Variants in OPCML observed in about 807,000 individuals in gnomAD.
The protein encoded by OPCML is opioid binding protein/cell adhesion molecule like.
OPCML carries 13 observed loss-of-function variants against 37.8 expected under a neutral mutation model. That is an observed-to-expected ratio of 0.34 (90% CI 0.22 to 0.55). The LOEUF (loss-of-function observed/expected upper bound fraction) is 0.55. Among genes scored for constraint, OPCML ranks in the 20% least tolerant of loss-of-function variants. The pLI, the probability that OPCML is intolerant of heterozygous loss-of-function variation, is 0.91. For missense variants in OPCML, 341 were observed against 435.6 expected, an observed-to-expected ratio of 0.78 and a Z score of 1.93; for synonymous variants, 176 against 168.8, an observed-to-expected ratio of 1.04 and a Z score of -0.33.
At chr11:133,051,454 T>C (rs1339224013) in intron 1 of OPCML, among the ~76,000 whole-genome samples, 1 of 152,170 alleles carries the variant, frequency 6.6e-6, no homozygotes, top group Non-Finnish European at 1.5e-5. Context: ...CCCCTTCCTG[T>C]TCAGGGTACT....
intron 1 of OPCML, among the ~76,000 whole-genome samples, chr11:133,002,852 C>T (rs1947034350): frequency 6.6e-6 from 1 of 152,104 alleles, no homozygotes; most frequent in South Asian, 2.1e-4. Context: ...AGACCTTTTA[C>T]TCAACTTTGC....
At chr11:132,659,972 TTC>T (rs1393204850) in intron 2 of OPCML, among the ~76,000 whole-genome samples, 1 of 152,230 alleles carries the variant, frequency 6.6e-6, no homozygotes, top group Non-Finnish European at 1.5e-5. Context: ...AAATTTAAAT[TTC>T]TTTTATGTCC....
chr11:132,868,742 A>G (rs1006968441), intron 2 of OPCML, among the ~76,000 whole-genome samples: 1 of 152,182 alleles, frequency 6.6e-6, no homozygotes, highest in African/African-American at 2.4e-5. Flanking sequence ...TGACACATCC[A>G]GGCCAGGATG....
chr11:132,740,919 G>A (rs1024230014), intron 2 of OPCML, among the ~76,000 whole-genome samples: 4 of 152,140 alleles, frequency 2.6e-5, no homozygotes, highest in African/African-American at 4.8e-5. Flanking sequence ...TTGATATAAC[G>A]GTATGCAGCA....
chr11:133,256,646 T>G (rs774216377), intron 1 of OPCML, among the ~76,000 whole-genome samples: 1 of 152,210 alleles, frequency 6.6e-6, no homozygotes, highest in Non-Finnish European at 1.5e-5. Context: ...TAGTGTAGAC[T>G]AAGAGGTTCT....
At chr11:132,760,627 G>A (rs1489220136) in intron 2 of OPCML, among the ~76,000 whole-genome samples, 2 of 145,980 alleles carry the variant, frequency 1.4e-5, no homozygotes, top group Admixed American at 1.4e-4. Flanking sequence ...TGCAACATTT[G>A]CTTTTTTTTT....
chr11:132,421,083 T>TC (rs1207120193), intron 7 of OPCML, among the ~76,000 whole-genome samples: 4 of 152,012 alleles, frequency 2.6e-5, no homozygotes, highest in African/African-American at 9.7e-5. Flanking sequence ...GCTGTTCTTT[T>TC]CCCCTCACCT....
intron 4 of OPCML, among the ~76,000 whole-genome samples, chr11:132,449,092 G>T (rs947138023): frequency 1.3e-5 from 2 of 152,180 alleles, no homozygotes; most frequent in Non-Finnish European, 2.9e-5. Flanking sequence ...TGCAGAGCTG[G>T]CCCAGGCCAC....
intron 1 of OPCML, among the ~76,000 whole-genome samples, chr11:133,402,041 A>G (rs1945415049): frequency 6.6e-6 from 1 of 152,214 alleles, no homozygotes. Context: ...TAGACAGTGT[A>G]TCTTAGTCCA....
At chr11:133,233,239 C>A (rs908063683) in intron 1 of OPCML, among the ~76,000 whole-genome samples, 3 of 152,216 alleles carry the variant, frequency 2.0e-5, no homozygotes, top group African/African-American at 7.2e-5. Flanking sequence ...CTATACCACC[C>A]TTTGTAGGAA....
intron 1 of OPCML, among the ~76,000 whole-genome samples, chr11:133,224,904 C>T (rs75040059): frequency 0.038 from 5,726 of 152,240 alleles, 156 homozygotes; most frequent in Non-Finnish European, 0.062. Flanking sequence ...GCCTTGTTGG[C>T]TTTTCCATAT....
intron 2 of OPCML, among the ~76,000 whole-genome samples, chr11:132,930,630 A>G (rs946043086): frequency 9.9e-5 from 15 of 152,260 alleles, no homozygotes; most frequent in Non-Finnish European, 1.0e-4. Flanking sequence ...GAAGAATAAA[A>G]TACTTAGGAA....
chr11:132,506,651 TTAC>T (rs2096257517), intron 4 of OPCML, among the ~76,000 whole-genome samples: 2 of 152,078 alleles, frequency 1.3e-5, no homozygotes, highest in South Asian at 2.1e-4. Flanking sequence ...GAGGAAACAT[TTAC>T]TCAGCTTGAA....
At chr11:132,705,411 C>A (rs1372023282) in intron 2 of OPCML, among the ~76,000 whole-genome samples, 1 of 151,756 alleles carries the variant, frequency 6.6e-6, no homozygotes, top group Non-Finnish European at 1.5e-5. Flanking sequence ...GGCAACATGG[C>A]AAAACCCCAT....
intron 2 of OPCML, among the ~76,000 whole-genome samples, chr11:132,786,680 T>C (rs1947221827): frequency 6.6e-6 from 1 of 152,184 alleles, no homozygotes; most frequent in African/African-American, 2.4e-5. Flanking sequence ...TGGACTTAGG[T>C]TGTACCATGT....
chr11:132,485,313 C>A (rs1592248245), intron 4 of OPCML, among the ~76,000 whole-genome samples: 1 of 152,146 alleles, frequency 6.6e-6, no homozygotes, highest in Non-Finnish European at 1.5e-5. Flanking sequence ...ACAGGTCTCA[C>A]AGTGCTGTAG....
intron 1 of OPCML, among the ~76,000 whole-genome samples, chr11:133,133,229 C>A (rs187725249): frequency 5.1e-4 from 78 of 152,226 alleles, no homozygotes; most frequent in African/African-American, 1.8e-3. Flanking sequence ...TGGCCTCAGG[C>A]CCCTGGGTGG....
intron 1 of OPCML, among the ~76,000 whole-genome samples, chr11:133,403,631 C>G (rs1437416777): frequency 6.6e-6 from 1 of 152,144 alleles, no homozygotes; most frequent in East Asian, 1.9e-4. Flanking sequence ...GACCTCCTTT[C>G]CATTTACTGC....
chr11:133,462,839 C>G (rs952864232), intron 1 of OPCML, among the ~76,000 whole-genome samples: 1 of 151,998 alleles, frequency 6.6e-6, no homozygotes, highest in African/African-American at 2.4e-5. Flanking sequence ...GTGTATATAT[C>G]TGAAAGAACT....
Sources: allele counts gnomAD v4.1 joint callset (sites outside exome capture counted in the v4.1 genomes callset), GRCh38; gene constraint gnomAD v4.1.1; transcripts MANE v1.5; gene names NCBI Gene and HGNC (gene_info 2026-07-23, HGNC 2026-07-21).